The following STARD3 variants were observed in gnomAD, a reference collection of about 807,000 sequenced individuals.
The protein encoded by STARD3 is stAR-related lipid transfer protein 3.
STARD3 carries 39 observed loss-of-function variants against 62.0 expected under a neutral mutation model. The observed-to-expected ratio is 0.63, with a 90% CI of 0.49 to 0.82. STARD3 has a LOEUF of 0.82. STARD3 is among the 40% of genes least tolerant of loss of function. STARD3 has a pLI of 0.00. For synonymous variants in STARD3, 229 were observed against 242.4 expected (o/e 0.94, Z 0.51); for missense variants, 543 against 584.5 (o/e 0.93, Z 0.73).
chr17:39,662,805 G>A lies in STARD3; in HGVS notation c.1235G>A (p.Gly412Asp), dbSNP rs775344130. The A allele has an allele frequency of 6.2e-7, 1 of 1,607,164 alleles. No homozygotes were observed. Among genetic ancestry groups the A allele is most frequent in the Non-Finnish European group, 8.5e-7 (1 of 1,176,984 alleles). ...FVWILNTDLK[G>D]RLPRYLIHQS... ...TGACTTCTGCCTGCCTTCCCCCAGG[G>A]CCGCCTGCCCCGGTACCTCATCCAC... Residue 412 changes from glycine to aspartate, a missense_variant and splice_region_variant, in exon 15 of 15, where the codon GGC (glycine) becomes GAC (aspartate). By Grantham distance (94) the Gly-to-Asp change is moderately conservative (BLOSUM62 -1). Coordinates refer to ENST00000336308, the MANE Select transcript of STARD3 (RefSeq NM_006804.4).
In STARD3 at chr17:39,662,892, T is replaced by G. The variant is rs146010122; in HGVS notation, c.1322T>G (p.Leu441Arg). 1 of 1,611,992 alleles carries G rather than the reference T, an allele frequency of 6.2e-7. No homozygotes were observed. The highest frequency in any genetic ancestry group is 1.7e-5 in the Admixed American group (1 of 59,846). ...CACCTGCGACAGCGCATCAGCGAGC[T>G]GGGGGCCCGGGCGTGACTGTGCCCC... is the stretch of plus-strand genomic sequence containing the variant. Reference protein sequence around the residue: ...AFHLRQRISELGARA With the variant: ...AFHLRQRISERGARA Residue 441 changes from leucine to arginine, a missense_variant, in exon 15 of 15, where the codon CTG (leucine) becomes CGG (arginine). Transcript: ENST00000336308.
chr17:39,651,719 A>C (rs1246218627), intron 1 of STARD3: 2 of 152,126 alleles, frequency 1.3e-5, no homozygotes, highest in Non-Finnish European at 2.9e-5. Context: ...ACCGGTCACC[A>C]CGCCTGGCTA....
chr17:39,640,551 T>G (rs1169915707), intron 1 of STARD3, among the ~76,000 whole-genome samples: 1 of 144,968 alleles, frequency 6.9e-6, no homozygotes, highest in Non-Finnish European at 1.5e-5. Context: ...GGGGGCCTTT[T>G]CTTGAGAGGG....
At chr17:39,658,583 T>C (rs1163244265) in intron 6 of STARD3, 61 bp downstream of exon 6, 1 of 1,573,928 alleles carries the variant, frequency 6.4e-7, no homozygotes, top group Admixed American at 1.7e-5. Flanking sequence ...GAGAGGGGAG[T>C]TGCGGGCATG....
chr17:39,660,097 G>T lies in STARD3; in HGVS notation c.796-114G>T. 1 of 1,041,762 alleles carries T rather than the reference G, an allele frequency of 9.6e-7. No homozygotes were observed. The allele number at this position is 1,041,762 out of a possible 1,614,324, so 64.5% of individuals were successfully genotyped here. A position where few individuals can be genotyped will look rare whatever the true frequency, so the allele number is the denominator to read the frequency against. ...GCTGCTCAGGTGTCCCCAAACTCCT[G>T]GAGTTTTCCACCCTGAGCTGTTAAA... On this transcript the variant is annotated intron_variant, in intron 9 of 14. Transcript: ENST00000336308. The surrounding 1 kb of genome is among the most constrained non-coding windows in gnomAD (Gnocchi z 4.8).
chr17:39,642,716 G>C (rs2056992277), intron 1 of STARD3, among the ~76,000 whole-genome samples: 1 of 152,160 alleles, frequency 6.6e-6, no homozygotes, highest in Non-Finnish European at 1.5e-5. Flanking sequence ...AAATACAGCA[G>C]GGTAAGGGAT....
chr17:39,640,048 A>G (rs1191290842), intron 1 of STARD3, among the ~76,000 whole-genome samples: 1 of 152,186 alleles, frequency 6.6e-6, no homozygotes, highest in East Asian at 1.9e-4. Context: ...TCCCTGATGG[A>G]CCAGAACAGG....
At chr17:39,646,588 A>G (rs1408394624) in intron 1 of STARD3, among the ~76,000 whole-genome samples, 2 of 152,136 alleles carry the variant, frequency 1.3e-5, no homozygotes, top group Non-Finnish European at 2.9e-5. Context: ...GAGGAAACTG[A>G]GTCTCAGAAG....
At chr17:39,645,513 G>T (rs1207882084) in intron 1 of STARD3, among the ~76,000 whole-genome samples, 1 of 152,012 alleles carries the variant, frequency 6.6e-6, no homozygotes, top group Non-Finnish European at 1.5e-5. Flanking sequence ...TGTGTCACCC[G>T]GGCGGGGGTG....
At position 39,658,711 on chromosome 17, in the gene STARD3, T is replaced by C. The variant is rs1205985335; in HGVS notation, c.548-11T>C. The C allele has an allele frequency of 2.5e-6, 4 of 1,613,808 alleles. No individual in the cohort carries two copies. The Admixed American group carries it at 6.7e-5, about 27-fold the overall frequency. Reference sequence around the variant, plus strand: ...ACTGTCCTCGGTCCGGGACCGAGTCTGCTCCTCCAGGGTATCTTGCCGCCC... The same window carrying C: ...ACTGTCCTCGGTCCGGGACCGAGTCCGCTCCTCCAGGGTATCTTGCCGCCC... On this transcript the variant is annotated splice_polypyrimidine_tract_variant and intron_variant, in intron 6 of 14. Transcript: ENST00000336308.
In STARD3 at chr17:39,660,851, C is replaced by T. The variant is rs144677742; in HGVS notation, c.996C>T (p.Asp332=). The T allele has an allele frequency of 8.8e-6, 14 of 1,599,628 alleles. No homozygotes were observed. The highest frequency in any genetic ancestry group is 6.8e-5 in the Admixed American group (4 of 58,846). Residue 332 remains aspartate (D), a synonymous_variant, in exon 12 of 15, where the codon GAC becomes GAT. Coordinates refer to ENST00000336308, the MANE Select transcript of STARD3 (RefSeq NM_006804.4). This position sits in a 1 kb window ranked among gnomAD's most constrained non-coding sequence, Gnocchi z 4.8. ...RVEDNTLISY[D]VSAGAAGGVV... is the part of the protein sequence containing the mutation. ...AAGACAACACCCTCATCTCCTATGACGTGTCTGCAGGGGCTGCGGGCGGCG... is the reference window on the plus strand; with the variant it reads ...AAGACAACACCCTCATCTCCTATGATGTGTCTGCAGGGGCTGCGGGCGGCG...
intron 8 of STARD3, 109 bp from the exon 9 acceptor site, chr17:39,659,352 G>A: frequency 8.5e-7 from 1 of 1,174,640 alleles, no homozygotes; most frequent in South Asian, 1.4e-5. Context: ...ATGTGGCTGG[G>A]CCAGGCCCCT....
chr17:39,648,742 T>C (rs1393415763), intron 1 of STARD3, among the ~76,000 whole-genome samples: 1 of 152,050 alleles, frequency 6.6e-6, no homozygotes, highest in Non-Finnish European at 1.5e-5. Flanking sequence ...CATGCTTGGC[T>C]CCCACACTCC....
chr17:39,662,244 T>C lies in STARD3; in HGVS notation c.1140-7T>C, dbSNP rs2057208011. 2 of 1,612,900 alleles carry C rather than the reference T, an allele frequency of 1.2e-6. No homozygotes were observed. Among genetic ancestry groups the C allele is most frequent in the Non-Finnish European group, 1.7e-6 (2 of 1,179,572 alleles). On this transcript the variant is annotated splice_region_variant and splice_polypyrimidine_tract_variant and intron_variant, in intron 13 of 14. Coordinates refer to ENST00000336308, the MANE Select transcript of STARD3 (RefSeq NM_006804.4). ...CAAAGTCCCCCCAATGATGCCTCTTTCCATAGGGGAGAGAATGGCCCTGGG... is the reference window on the plus strand; with the variant it reads ...CAAAGTCCCCCCAATGATGCCTCTTCCCATAGGGGAGAGAATGGCCCTGGG...
intron 8 of STARD3, 150 bp downstream of exon 8, chr17:39,659,256 G>C: frequency 3.5e-6 from 4 of 1,133,796 alleles, no homozygotes; most frequent in Non-Finnish European, 3.8e-6. Context: ...CCACCAGTCC[G>C]GCCCCCCTGG....
intron 1 of STARD3, among the ~76,000 whole-genome samples, chr17:39,648,347 G>C (rs942664515): frequency 5.3e-5 from 8 of 152,030 alleles, no homozygotes; most frequent in South Asian, 4.2e-4. Context: ...TGTGCCTGTG[G>C]TCCCAGTTAC....
At chr17:39,641,741 G>A (rs1016862495) in intron 1 of STARD3, among the ~76,000 whole-genome samples, 18 of 152,222 alleles carry the variant, frequency 1.2e-4, no homozygotes, top group Admixed American at 5.9e-4. Context: ...GAGAAACCCA[G>A]TGATTTGGTC....
At chr17:39,640,227 G>A (rs1050245750) in intron 1 of STARD3, among the ~76,000 whole-genome samples, 9 of 152,302 alleles carry the variant, frequency 5.9e-5, no homozygotes, top group East Asian at 1.9e-4. Flanking sequence ...CACTGAATGC[G>A]AGAGCCTGTT....
Position 39,660,794 on chromosome 17 carries a change from CG to C in STARD3, c.955-15del, listed in dbSNP as rs773742279. The C allele has an allele frequency of 2.6e-6, 4 of 1,563,804 alleles. No homozygotes were observed. Among genetic ancestry groups the C allele is most frequent in the African/African-American group, 2.7e-5 (2 of 73,356 alleles). On this transcript the variant is annotated splice_polypyrimidine_tract_variant and intron_variant, in intron 11 of 14. Coordinates refer to ENST00000336308, the MANE Select transcript of STARD3 (RefSeq NM_006804.4). This position sits in a 1 kb window ranked among gnomAD's most constrained non-coding sequence, Gnocchi z 4.8. ...TGGGGCGACCTGTTCCAAAAGTCTC[CG>C]TTGACGGCCCTCAGATCCTGCAGCG...
Sources: gnomAD v4.1 joint callset for allele counts (sites outside exome capture counted in the v4.1 genomes callset) on GRCh38, gnomAD v4.1.1 for gene constraint, Gnocchi (gnomAD v3.1) non-coding constraint, MANE v1.5 for transcripts, NCBI Gene and HGNC (gene_info 2026-07-23, HGNC 2026-07-21) for gene names.